LDAH: variants seen among roughly 807,000 people sequenced by gnomAD.
LDAH encodes lipid droplet-associated hydrolase.
In LDAH, 26 loss-of-function variants were observed where a neutral mutation model predicts 29.6. The observed-to-expected ratio is 0.88, with a 90% confidence interval of 0.64 to 1.22. LDAH has a LOEUF of 1.22. Among genes scored for constraint, LDAH ranks in the 50% most tolerant of loss-of-function variants. LDAH has a pLI of 0.00. For synonymous variants in LDAH, 117 were observed against 133.0 expected, an observed-to-expected ratio of 0.88 and a Z score of 0.83; for missense variants, 344 against 387.3, an observed-to-expected ratio of 0.89 and a Z score of 0.94.
intron 4 of LDAH, among the ~76,000 whole-genome samples, chr2:20,749,017 TCTA>T (rs1397037266): frequency 1.3e-5 from 2 of 152,186 alleles, no homozygotes; most frequent in Non-Finnish European, 2.9e-5. Context: ...ATTCCTTAGA[TCTA>T]CTGGTTGTTC....
At chr2:20,785,423 T>C (rs1370025519) in intron 3 of LDAH, among the ~76,000 whole-genome samples, 1 of 152,268 alleles carries the variant, frequency 6.6e-6, no homozygotes, top group Non-Finnish European at 1.5e-5. Context: ...GTAATTCTCA[T>C]CTTCGTTCTT....
chr2:20,783,385 T>C (rs1318476238), intron 3 of LDAH, among the ~76,000 whole-genome samples: 2 of 152,222 alleles, frequency 1.3e-5, no homozygotes, highest in Non-Finnish European at 1.5e-5. Context: ...TTGCTGGATC[T>C]ATTCATTACA....
chr2:20,769,021 A>C (rs1243787216), intron 4 of LDAH, among the ~76,000 whole-genome samples: 1 of 151,886 alleles, frequency 6.6e-6, no homozygotes, highest in African/African-American at 2.4e-5. Flanking sequence ...CTTTTTGTCC[A>C]TCTCTATCAA....
At chr2:20,757,126 G>A (rs1668391720) in intron 4 of LDAH, among the ~76,000 whole-genome samples, 1 of 152,184 alleles carries the variant, frequency 6.6e-6, no homozygotes. Context: ...AGATTTGAAG[G>A]CTAAAATGCT....
At chr2:20,774,401 G>GTGA (rs1456586515) in intron 4 of LDAH, among the ~76,000 whole-genome samples, 1 of 152,176 alleles carries the variant, frequency 6.6e-6, no homozygotes, top group Non-Finnish European at 1.5e-5. Flanking sequence ...TTGCCTATCA[G>GTGA]TGATGATGAT....
intron 4 of LDAH, among the ~76,000 whole-genome samples, chr2:20,745,221 T>A (rs911729108): frequency 6.6e-6 from 1 of 152,212 alleles, no homozygotes; most frequent in Admixed American, 6.5e-5. Context: ...CTTTAGTAGA[T>A]AATTACAAAG....
At chr2:20,693,915 G>A (rs1396380256) in intron 6 of LDAH, among the ~76,000 whole-genome samples, 1 of 152,256 alleles carries the variant, frequency 6.6e-6, no homozygotes, top group African/African-American at 2.4e-5. Context: ...GACCAAAGAG[G>A]AGTGACACAG....
rs774380391 is a variant in LDAH at position 20,687,053 on chromosome 2, T to C, written c.828A>G (p.Lys276=). Residue 276 remains lysine, a synonymous_variant, in exon 7 of 7, where the codon AAA becomes AAG. Coordinates refer to ENST00000237822, the MANE Select transcript of LDAH (RefSeq NM_021925.4). ...CCTTCTTAATGTCTTCATAGTACTC[T>C]TTTGGACACCAAGGATCTATAGTAC... ...YYGTIDPWCP[K]EYYEDIKKDF... is the part of the protein sequence containing the mutation. 6.2e-7 allele frequency: 1 copy of C among 1,613,860 alleles called. No individual in the cohort carries two copies. The highest frequency in any genetic ancestry group is 1.1e-5 in the South Asian group (1 of 90,980).
chr2:20,694,141 C>T (rs764325181), intron 6 of LDAH, among the ~76,000 whole-genome samples: 9 of 101,428 alleles, frequency 8.9e-5, no homozygotes, highest in African/African-American at 4.4e-5. Context: ...CATACAGGCC[C>T]CCTACTTCCC....
At chr2:20,804,348 T>C (rs901201698) in intron 1 of LDAH, among the ~76,000 whole-genome samples, 7 of 152,210 alleles carry the variant, frequency 4.6e-5, no homozygotes, top group African/African-American at 1.7e-4. Context: ...GTATAAACTT[T>C]GATTCAGTCA....
At chr2:20,812,675 A>T (rs1672575551) in intron 1 of LDAH, among the ~76,000 whole-genome samples, 1 of 152,194 alleles carries the variant, frequency 6.6e-6, no homozygotes, top group Non-Finnish European at 1.5e-5. Flanking sequence ...AATAAAAAGG[A>T]ACAATTAGAA....
chr2:20,716,799 A>G (rs1322955932), intron 5 of LDAH, among the ~76,000 whole-genome samples: 1 of 150,562 alleles, frequency 6.6e-6, no homozygotes, highest in Admixed American at 6.7e-5. Context: ...ACCTCAGTCT[A>G]AAGCCACACA....
intron 3 of LDAH, among the ~76,000 whole-genome samples, chr2:20,787,627 C>T (rs1378843529): frequency 6.6e-6 from 1 of 152,146 alleles, no homozygotes; most frequent in Non-Finnish European, 1.5e-5. Flanking sequence ...AGAGAAGTGA[C>T]AAACTCCAAG....
At chr2:20,712,663 C>T (rs1193521697) in intron 5 of LDAH, among the ~76,000 whole-genome samples, 1 of 152,242 alleles carries the variant, frequency 6.6e-6, no homozygotes, top group African/African-American at 2.4e-5. Flanking sequence ...GAATGGCTAA[C>T]TAGAATAAAC....
chr2:20,789,908 C>A (rs778264563), intron 3 of LDAH, among the ~76,000 whole-genome samples: 2 of 152,148 alleles, frequency 1.3e-5, no homozygotes, highest in Non-Finnish European at 2.9e-5. Context: ...TTGTCTTCCA[C>A]AAAACTGGTT....
At chr2:20,725,898 T>C (rs1436563320) in intron 5 of LDAH, among the ~76,000 whole-genome samples, 1 of 152,190 alleles carries the variant, frequency 6.6e-6, no homozygotes, top group Non-Finnish European at 1.5e-5. Flanking sequence ...TAAAGGTTTA[T>C]GTGATGTGCA....
chr2:20,773,863 G>A (rs1003648385), intron 4 of LDAH, among the ~76,000 whole-genome samples: 19 of 152,182 alleles, frequency 1.2e-4, no homozygotes, highest in African/African-American at 3.9e-4. Context: ...GCCATGAAGC[G>A]ATCACGTCCT....
intron 4 of LDAH, among the ~76,000 whole-genome samples, chr2:20,747,279 T>C (rs572922397): frequency 6.6e-6 from 1 of 152,156 alleles, no homozygotes; most frequent in Non-Finnish European, 1.5e-5. Flanking sequence ...CGACAAATAG[T>C]ACTTCAACAT....
chr2:20,740,199 G>A lies in LDAH; in HGVS notation c.475C>T (p.Arg159Cys), dbSNP rs371645099. The change falls in exon 5 of 7, where the codon CGT (arginine) becomes TGT (cysteine). Residue 159 changes from arginine (R) to cysteine (C), a missense_variant. Coordinates refer to ENST00000237822, the MANE Select transcript of LDAH (RefSeq NM_021925.4). ...ATTGTTGGAAAGAGCAGAAAGGCAC[G>A]AATTACCTGCAATAAAGAAGCATAC... is the stretch of plus-strand genomic sequence containing the variant. The part of the protein sequence containing the change: ...LKRVPELPVI[R>C]AFLLFPTIER... 5.6e-5 allele frequency: 90 copies of A among 1,609,196 alleles called. No individual in the cohort carries two copies. The highest frequency in any genetic ancestry group is 7.6e-5 in the Non-Finnish European group (89 of 1,175,736).
Sources: gnomAD v4.1 joint callset for allele counts (sites outside exome capture counted in the v4.1 genomes callset) on GRCh38, gnomAD v4.1.1 for gene constraint, MANE v1.5 for transcripts, NCBI Gene and HGNC (gene_info 2026-07-23, HGNC 2026-07-21) for gene names.